KCNK4: variants seen among roughly 807,000 people sequenced by gnomAD.
KCNK4 encodes the protein potassium two pore domain channel subfamily K member 4.
In KCNK4, 22 loss-of-function variants were observed where a neutral mutation model predicts 28.8. The ratio of observed to expected loss-of-function variants is 0.76; its 90% CI spans 0.55 to 1.09. The LOEUF (loss-of-function observed/expected upper bound fraction) is 1.09, where lower values mean the gene tolerates loss of function less well. Ranked by LOEUF, KCNK4 falls within the 50% of genes least tolerant of loss-of-function variation. KCNK4 has a pLI of 0.00. For synonymous variants in KCNK4, 263 were observed against 252.9 expected (o/e 1.04, Z -0.38); for missense variants, 483 against 546.3 (o/e 0.88, Z 1.15).
intron 2 of KCNK4, 132 bp downstream of exon 2, chr11:64,293,339 G>C: frequency 2.0e-6 from 2 of 1,013,754 alleles, no homozygotes; most frequent in Non-Finnish European, 2.7e-6. Flanking sequence ...GGAGGCTGTG[G>C]GACAGAGGCT....
rs1212177278 is a variant in KCNK4 at position 64,291,332 on chromosome 11, A to C, written c.-312A>C. 1.3e-5 allele frequency: 2 copies of C among 152,270 alleles called. No homozygotes were observed. The highest frequency in any genetic ancestry group is 4.8e-5 in the African/African-American group (2 of 41,432). The allele number at this position is 152,270 out of a possible 1,614,324, so 9.4% of individuals were successfully genotyped here. ...TGAGCCCAAGGGCCAGGCTGTCCCC[A>C]GGGGCGGAGAGTTGCGGACCCTTCC... On this transcript the variant is annotated 5_prime_UTR_variant, in exon 1 of 7. Transcript: ENST00000422670.
intron 6 of KCNK4, among the ~76,000 whole-genome samples, chr11:64,298,901 C>T (rs1318806522): frequency 6.6e-6 from 1 of 151,570 alleles, no homozygotes; most frequent in Admixed American, 6.6e-5. Context: ...ATTACCTGGA[C>T]GTGGTGGCGG....
intron 4 of KCNK4, 28 bp from the exon 5 acceptor site, chr11:64,297,439 G>A (rs2034800656): frequency 6.2e-7 from 1 of 1,612,378 alleles, no homozygotes; most frequent in Non-Finnish European, 8.5e-7. Context: ...GGTGTCTCCT[G>A]GGTCCTGCCT....
chr11:64,298,018 C>T, intron 5 of KCNK4, 92 bp from the exon 6 acceptor site: 1 of 1,473,676 alleles, frequency 6.8e-7, no homozygotes. Flanking sequence ...GAGGGCAGGT[C>T]CTCTCCAGGA....
At chr11:64,292,764 A>C (rs1244401147) in intron 1 of KCNK4, 178 bp from the exon 2 acceptor site, 4 of 517,490 alleles carry the variant, frequency 7.7e-6, no homozygotes, top group East Asian at 4.3e-5. Context: ...AGGGCCGGGC[A>C]GCGGAGGTAA....
At chr11:64,295,648 G>A (rs575270797) in intron 2 of KCNK4, among the ~76,000 whole-genome samples, 2 of 151,064 alleles carry the variant, frequency 1.3e-5, no homozygotes, top group African/African-American at 2.4e-5. Context: ...GAAGGTTGCT[G>A]TAACATGGGG....
intron 3 of KCNK4, 28 bp from the exon 4 acceptor site, chr11:64,297,091 A>T: frequency 1.2e-6 from 2 of 1,613,816 alleles, no homozygotes; most frequent in Non-Finnish European, 1.7e-6. Context: ...GGTGGCCCCT[A>T]GACTTCCTGC....
chr11:64,297,750 C>A, intron 5 of KCNK4, 97 bp downstream of exon 5: 2 of 1,285,680 alleles, frequency 1.6e-6, no homozygotes, highest in Non-Finnish European at 2.2e-6. Flanking sequence ...CATGTGGTTG[C>A]TCTAACCCCT....
chr11:64,299,328 C>A lies in KCNK4; in HGVS notation c.802-18C>A, dbSNP rs779450786. 2.0e-5 allele frequency: 30 copies of A among 1,515,984 alleles called. No homozygotes were observed. Among genetic ancestry groups the A allele is most frequent in the Non-Finnish European group, 2.6e-5 (29 of 1,132,886 alleles). 93.9% of individuals were successfully genotyped at this position (1,515,984 alleles called of 1,614,324 possible). ...GGTCTAGACCTCTAGTCGAGGGCTGCTTTCCCTCTCCGTGCAGATGGGCGG... is the reference window on the plus strand; with the variant it reads ...GGTCTAGACCTCTAGTCGAGGGCTGATTTCCCTCTCCGTGCAGATGGGCGG... On this transcript the variant is annotated intron_variant, in intron 6 of 6. Transcript: ENST00000422670.
chr11:64,298,088 A>G (rs916530914), intron 5 of KCNK4, 22 bp from the exon 6 acceptor site: 5 of 1,610,372 alleles, frequency 3.1e-6, no homozygotes, highest in South Asian at 2.2e-5. Flanking sequence ...AATTCTTTCT[A>G]CCTTCCCTGG....
Position 64,299,370 on chromosome 11 carries a change from G to T in KCNK4, c.826G>T (p.Ala276Ser). 1 of 1,569,256 alleles carries T rather than the reference G, an allele frequency of 6.4e-7. No homozygotes were observed. Among genetic ancestry groups the T allele is most frequent in the Non-Finnish European group, 8.6e-7 (1 of 1,160,500 alleles). The change falls in exon 7 of 7, where the codon GCC becomes TCC. Residue 276 changes from alanine (A) to serine (S), a missense_variant. Ala to Ser is a moderately conservative substitution (Grantham distance 99). Transcript: ENST00000422670. ...AEMGGLTAQA[A>S]SWTGTVTARV... ...GATGGGCGGCCTCACGGCTCAGGCT[G>T]CCAGCTGGACTGGCACGGTGACAGC... is the stretch of plus-strand genomic sequence containing the variant.
Position 64,299,508 on chromosome 11 carries a change from C to A in KCNK4, c.964C>A (p.Pro322Thr), listed in dbSNP as rs576679008. 8.1e-6 allele frequency: 13 copies of A among 1,608,816 alleles called. No homozygotes were observed. In the South Asian group the frequency reaches 8.8e-5, roughly 11 times the overall value. Residue 322 changes from proline to threonine, a missense_variant, in exon 7 of 7, where the codon CCC (proline) becomes ACC (threonine). Transcript: ENST00000422670. Reference protein sequence around the residue: ...QPLGRPRSPSPPEKAQPPSPP... With the variant: ...QPLGRPRSPSTPEKAQPPSPP... Reference sequence around the variant, plus strand: ...GCTGGGCAGGCCCCGATCCCCTTCGCCCCCCGAGAAGGCTCAGCCGCCTTC... The same window carrying A: ...GCTGGGCAGGCCCCGATCCCCTTCGACCCCCGAGAAGGCTCAGCCGCCTTC...
chr11:64,299,050 G>GAAAAAAAAAAAAAAA (rs56097945), intron 6 of KCNK4, among the ~76,000 whole-genome samples: 7 of 85,080 alleles, frequency 8.2e-5, no homozygotes, highest in Non-Finnish European at 1.1e-4. Flanking sequence ...AAAAAAAGAA[G>GAAAAAAAAAAAAAAA]AAAAAAAAAA....
At chr11:64,292,135 G>C in intron 1 of KCNK4, 2 of 985,460 alleles carry the variant, frequency 2.0e-6, no homozygotes, top group Non-Finnish European at 2.4e-6. Context: ...GCGTGCAGCG[G>C]GGCGGCGCGG....
intron 6 of KCNK4, 68 bp downstream of exon 6, chr11:64,298,317 G>A (rs2034830898): frequency 3.2e-6 from 5 of 1,582,580 alleles, no homozygotes; most frequent in South Asian, 2.2e-5. Flanking sequence ...CTAGCAGGGG[G>A]TTGATCAGGC....
At position 64,297,166 on chromosome 11, in the gene KCNK4, A is replaced by G. The variant is rs747548373; in HGVS notation, c.361A>G (p.Ile121Val). Residue 121 changes from isoleucine (I) to valine (V), a missense_variant, in exon 4 of 7, where the codon ATC becomes GTC. By Grantham distance (29) the Ile-to-Val change is conservative (BLOSUM62 3). Coordinates refer to ENST00000422670, the MANE Select transcript of KCNK4 (RefSeq NM_033310.3). ...CACAGATGCCGGGCGCCTCTTCTGC[A>G]TCTTTTATGCGCTGGTGGGGATTCC... The part of the protein sequence containing the change: ...LRTDAGRLFC[I>V]FYALVGIPLF... The G allele has an allele frequency of 6.2e-7, 1 of 1,614,104 alleles. No individual in the cohort carries two copies. The highest frequency in any genetic ancestry group is 1.1e-5 in the South Asian group (1 of 91,082).
chr11:64,298,869 C>T (rs1372906917), intron 6 of KCNK4, among the ~76,000 whole-genome samples: 1 of 151,614 alleles, frequency 6.6e-6, no homozygotes, highest in East Asian at 1.9e-4. Flanking sequence ...AGTGAAACCC[C>T]GTCTCTACTA....
In KCNK4 at chr11:64,299,549, G is replaced by A. The variant is rs1482264005; in HGVS notation, c.1005G>A (p.Ser335=). 6.2e-7 allele frequency: 1 copy of A among 1,608,788 alleles called. No individual in the cohort carries two copies. Among genetic ancestry groups the A allele is most frequent in the Non-Finnish European group, 8.5e-7 (1 of 1,178,592 alleles). ...AGCCGCCTTCCCCGCCCACGGCCTC[G>A]GCCCTGGATTATCCCAGCGAGAACC... ...KAQPPSPPTA[S]ALDYPSENLA... Residue 335 remains serine (S), a synonymous_variant, in exon 7 of 7, where the codon TCG becomes TCA. Transcript: ENST00000422670.
intron 1 of KCNK4, chr11:64,291,995 C>G: frequency 8.5e-7 from 1 of 1,176,944 alleles, no homozygotes; most frequent in Non-Finnish European, 1.1e-6. Flanking sequence ...GCGCGGTGGC[C>G]CTGCTGTCTG....
Sources: allele counts gnomAD v4.1 joint callset (sites outside exome capture counted in the v4.1 genomes callset), GRCh38; gene constraint gnomAD v4.1.1; transcripts MANE v1.5; gene names NCBI Gene and HGNC (gene_info 2026-07-23, HGNC 2026-07-21).